Variants in SLC35E2B observed in about 807,000 individuals in gnomAD.
SLC35E2B encodes solute carrier family 35 member E2B.
In SLC35E2B, 18 loss-of-function variants were observed where a neutral mutation model predicts 32.4. The observed-to-expected ratio is 0.56, with a 90% CI of 0.38 to 0.82. SLC35E2B has a LOEUF of 0.82. Among genes scored for constraint, SLC35E2B ranks in the 40% least tolerant of loss-of-function variants. The pLI is 0.00. For synonymous variants in SLC35E2B, 132 were observed against 209.1 expected, an observed-to-expected ratio of 0.63 and a Z score of 3.18; for missense variants, 263 against 469.5, an observed-to-expected ratio of 0.56 and a Z score of 4.06.
chr1:1,683,625 C>A (rs988844242), intron 2 of SLC35E2B, among the ~76,000 whole-genome samples: 1 of 152,074 alleles, frequency 6.6e-6, no homozygotes, highest in Non-Finnish European at 1.5e-5. Flanking sequence ...TCGCTCGCTG[C>A]GTCCCTGAGG....
chr1:1,691,450 TC>T (rs1644015511), intron 1 of SLC35E2B, 57 bp from the exon 2 acceptor site: 1 of 136,932 alleles, frequency 7.3e-6, no homozygotes, highest in Non-Finnish European at 1.6e-5. Flanking sequence ...GAGCTGCTCG[TC>T]CCACCACAGG....
At chr1:1,671,325 G>T in intron 6 of SLC35E2B, 184 bp downstream of exon 6, 1 of 605,136 alleles carries the variant, frequency 1.7e-6, no homozygotes, top group Non-Finnish European at 2.5e-6. Flanking sequence ...TGAAATTTCG[G>T]CTTATTTTTG....
chr1:1,688,181 G>A (rs545818394), intron 2 of SLC35E2B, among the ~76,000 whole-genome samples: 4 of 152,212 alleles, frequency 2.6e-5, no homozygotes, highest in African/African-American at 9.6e-5. Flanking sequence ...CAAAGGAGGG[G>A]AAGTCTTTCT....
At chr1:1,678,288 A>G (rs1643870861) in intron 2 of SLC35E2B, among the ~76,000 whole-genome samples, 1 of 151,682 alleles carries the variant, frequency 6.6e-6, no homozygotes, top group Admixed American at 6.6e-5. Flanking sequence ...CCCCTCCCCC[A>G]TGAAGACCTC....
intron 2 of SLC35E2B, among the ~76,000 whole-genome samples, chr1:1,680,428 T>C (rs1434373568): frequency 6.6e-6 from 1 of 152,194 alleles, no homozygotes; most frequent in African/African-American, 2.4e-5. Flanking sequence ...AGCAGCCCAC[T>C]GGACAAATGG....
Position 1,665,719 on chromosome 1 carries a change from T to A in SLC35E2B, c.*63A>T, listed in dbSNP as rs958807056. The A allele has an allele frequency of 2.6e-6, 4 of 1,531,494 alleles. No homozygotes were observed. Among genetic ancestry groups the A allele is most frequent in the Non-Finnish European group, 3.5e-6 (4 of 1,134,620 alleles). 94.9% of individuals were successfully genotyped at this position (1,531,494 alleles called of 1,614,324 possible). A position where few individuals can be genotyped will look rare whatever the true frequency, so the allele number is the denominator to read the frequency against. ...CCCAGCAGGGCCATGGAGGAGGGCG[T>A]CCCTGCCCATTTCTGGGGGATGCAG... is the stretch of plus-strand genomic sequence containing the variant. On this transcript the variant is annotated 3_prime_UTR_variant, in exon 10 of 10. Coordinates refer to ENST00000617444, the MANE Select transcript of SLC35E2B (RefSeq NM_001290264.2).
chr1:1,686,698 G>A lies in SLC35E2B; in HGVS notation c.-148+4278C>T, dbSNP rs150009422. ...GAAGAATCACTTGAACCTAGAAGAC[G>A]GAGGTCGCAGTGAGCCGAGATCATG... On this transcript the variant is annotated intron_variant, in intron 2 of 9. Coordinates refer to ENST00000617444, the MANE Select transcript of SLC35E2B (RefSeq NM_001290264.2). Among the ~76,000 whole-genome samples the A allele has an allele frequency of 1.5e-3, 231 of 151,858 alleles. 2 individuals are homozygous for A. Among genetic ancestry groups the A allele is most frequent in the African/African-American group, 5.2e-3 (216 of 41,380 alleles).
chr1:1,679,897 C>T (rs1643885506), intron 2 of SLC35E2B, among the ~76,000 whole-genome samples: 1 of 150,782 alleles, frequency 6.6e-6, no homozygotes, highest in African/African-American at 2.4e-5. Context: ...CTTTGGGAGG[C>T]CGAGGAGGGT....
At chr1:1,681,518 CTTTT>C (rs1019112378) in intron 2 of SLC35E2B, among the ~76,000 whole-genome samples, 1 of 148,496 alleles carries the variant, frequency 6.7e-6, no homozygotes, top group Non-Finnish European at 1.5e-5. Flanking sequence ...CTTTTCTTTT[CTTTT>C]TTGAGAGGGA....
chr1:1,668,917 G>C (rs1350275740), intron 8 of SLC35E2B, among the ~76,000 whole-genome samples: 1 of 151,738 alleles, frequency 6.6e-6, no homozygotes, highest in Non-Finnish European at 1.5e-5. Context: ...CTTAAACCCG[G>C]GAGGCAGAGG....
Position 1,662,593 on chromosome 1 carries a change from G to C in SLC35E2B, c.*3189C>G, listed in dbSNP as rs1207561735. The C allele has an allele frequency of 1.1e-6, 1 of 882,084 alleles. No homozygotes were observed. The highest frequency in any genetic ancestry group is 1.4e-6 in the Non-Finnish European group (1 of 736,448). The allele number at this position is 882,084 out of a possible 1,614,324, so 54.6% of individuals were successfully genotyped here. The stretch of plus-strand genomic sequence containing the variant: ...TTTCACAAATTAAAGACACATTTTG[G>C]GTTGTGCAACAGTGTTCTCATCTTT... On this transcript the variant is annotated 3_prime_UTR_variant, in exon 10 of 10. Coordinates refer to ENST00000617444, the MANE Select transcript of SLC35E2B (RefSeq NM_001290264.2).
intron 2 of SLC35E2B, among the ~76,000 whole-genome samples, chr1:1,688,647 G>A (rs71509487): frequency 0.4 from 57,792 of 145,740 alleles, 6,872 homozygotes; most frequent in African/African-American, 0.51. Context: ...TCTCGAGATA[G>A]ATCCAGCCCT....
rs544769199 is a variant in SLC35E2B, at chr1:1,663,890, G to A, written c.*1892C>T. 3.1e-5 allele frequency: 26 copies of A among 831,240 alleles called. 3 individuals are homozygous for A. Among genetic ancestry groups the A allele is most frequent in the South Asian group, 1.0e-4 (2 of 19,348 alleles). 51.5% of individuals were successfully genotyped at this position (831,240 alleles called of 1,614,324 possible). A position where few individuals can be genotyped will look rare whatever the true frequency, so the allele number is the denominator to read the frequency against. ...GCCTGTCCTCCACACACAGGTCAGC[G>A]GTTTTATAGAAGCGGCTGAAGCAGG... On this transcript the variant is annotated 3_prime_UTR_variant, in exon 10 of 10. Coordinates refer to ENST00000617444, the MANE Select transcript of SLC35E2B (RefSeq NM_001290264.2).
intron 2 of SLC35E2B, among the ~76,000 whole-genome samples, chr1:1,680,751 T>TC (rs1279737503): frequency 1.3e-5 from 2 of 149,962 alleles, no homozygotes; most frequent in Admixed American, 1.3e-4. Flanking sequence ...TATCTAATCT[T>TC]CCCCCCACGT....
At chr1:1,671,850 A>C (rs1368362317) in intron 5 of SLC35E2B, 7 of 413,138 alleles carry the variant, frequency 1.7e-5, no homozygotes, top group East Asian at 4.6e-5. Context: ...TTCACTCTAC[A>C]TGAGATGCGT....
At chr1:1,681,883 G>A (rs1304224822) in intron 2 of SLC35E2B, among the ~76,000 whole-genome samples, 1 of 150,844 alleles carries the variant, frequency 6.6e-6, no homozygotes, top group Non-Finnish European at 1.5e-5. Context: ...TACTCAGGAG[G>A]CTGAGGCAGG....
At chr1:1,674,878 C>T (rs527332054) in intron 5 of SLC35E2B, among the ~76,000 whole-genome samples, 29 of 152,280 alleles carry the variant, frequency 1.9e-4, no homozygotes, top group African/African-American at 5.1e-4. Context: ...GCTCTGTGGG[C>T]GCCTCTGCTC....
intron 8 of SLC35E2B, 53 bp downstream of exon 8, chr1:1,669,611 C>T (rs538481917): frequency 1.7e-4 from 243 of 1,471,432 alleles, no homozygotes; most frequent in Non-Finnish European, 2.2e-4. Flanking sequence ...TCCTGAATCA[C>T]CGGAGAAGGC....
chr1:1,678,476 C>T (rs1365629786), intron 2 of SLC35E2B, among the ~76,000 whole-genome samples: 1 of 152,070 alleles, frequency 6.6e-6, no homozygotes, highest in Non-Finnish European at 1.5e-5. Flanking sequence ...CTGTGTGTGT[C>T]TGTGCACCCA....
Sources: allele counts gnomAD v4.1 joint callset (sites outside exome capture counted in the v4.1 genomes callset), GRCh38; gene constraint gnomAD v4.1.1; transcripts MANE v1.5; gene names NCBI Gene and HGNC (gene_info 2026-07-23, HGNC 2026-07-21).